Variants in SRBD1 observed in about 807,000 individuals in gnomAD.
SRBD1 encodes S1 RNA-binding domain-containing protein 1.
In SRBD1, 88 loss-of-function variants were observed where a neutral mutation model predicts 115.3. The ratio of observed to expected loss-of-function variants is 0.76; its 90% CI spans 0.64 to 0.91. SRBD1 has a LOEUF of 0.91. Ranked by LOEUF, SRBD1 falls within the 40% of genes least tolerant of loss-of-function variation. The pLI, the probability that SRBD1 is intolerant of heterozygous loss-of-function variation, is 0.00. For missense variants in SRBD1, 1,385 were observed against 1,177.4 expected (o/e 1.18, Z -2.58); for synonymous variants, 509 against 407.7 (o/e 1.25, Z -2.99).
At chr2:45,599,969 G>C (rs1558505527) in intron 3 of SRBD1, 134 bp from the exon 4 acceptor site, 3 of 1,095,896 alleles carry the variant, frequency 2.7e-6, no homozygotes, top group Admixed American at 2.9e-5. Flanking sequence ...AAATTATGTT[G>C]AGTGGGAAAA....
intron 15 of SRBD1, among the ~76,000 whole-genome samples, chr2:45,487,279 T>C (rs988473740): frequency 1.1e-4 from 16 of 152,198 alleles, no homozygotes; most frequent in African/African-American, 3.1e-4. Flanking sequence ...TCACTTATTA[T>C]ACAGAAAAAT....
intron 8 of SRBD1, among the ~76,000 whole-genome samples, chr2:45,573,600 G>A (rs1673087484): frequency 6.6e-6 from 1 of 151,940 alleles, no homozygotes; most frequent in Non-Finnish European, 1.5e-5. Context: ...GAAACCATCT[G>A]CAATTATGCA....
chr2:45,442,771 T>G (rs906317707), intron 16 of SRBD1, among the ~76,000 whole-genome samples: 4 of 152,204 alleles, frequency 2.6e-5, no homozygotes, highest in Non-Finnish European at 5.9e-5. Context: ...AATCAGCAAC[T>G]TATTTCCATT....
chr2:45,393,872 T>G (rs1411812071), intron 19 of SRBD1, among the ~76,000 whole-genome samples: 2 of 152,228 alleles, frequency 1.3e-5, no homozygotes, highest in Non-Finnish European at 2.9e-5. Flanking sequence ...AATGAATTAC[T>G]CTATTCATGT....
rs1572581262 is a variant in SRBD1 at position 45,389,598 on chromosome 2, A to C, written c.2700T>G (p.Asp900Glu). ...TTCTCTTGAAATCAGGTTTATCAAA[A>C]TCTGTAAGAGAAAAAAAGTAAGTGT... ...SQPESFDFRT[D>E]FDKPDFKRSI... The change falls in exon 21 of 21, where the codon GAT (aspartate) becomes GAG (glutamate). Residue 900 changes from aspartate to glutamate, a missense_variant and splice_region_variant. Asp to Glu is a conservative substitution (Grantham distance 45, BLOSUM62 2). Transcript: ENST00000263736. 6.2e-7 allele frequency: 1 copy of C among 1,610,686 alleles called. No homozygotes were observed. The highest frequency in any genetic ancestry group is 8.5e-7 in the Non-Finnish European group (1 of 1,178,582).
At position 45,580,028 on chromosome 2, in the gene SRBD1, C is replaced by T. The variant is rs937166499; in HGVS notation, c.934-15G>A. The T allele has an allele frequency of 1.0e-5, 15 of 1,491,868 alleles. No individual in the cohort carries two copies. The highest frequency in any genetic ancestry group is 1.3e-5 in the Non-Finnish European group (14 of 1,118,106). The allele number at this position is 1,491,868 out of a possible 1,614,324, so 92.4% of individuals were successfully genotyped here. ...TATGGAGCAGACTAGAAAATAAAGA[C>T]AGAAAACATATGATTATGTTTTAAA... On this transcript the variant is annotated splice_polypyrimidine_tract_variant and intron_variant, in intron 6 of 20. Transcript: ENST00000263736.
intron 14 of SRBD1, among the ~76,000 whole-genome samples, chr2:45,491,964 G>C: frequency 7.7e-6 from 1 of 129,594 alleles, no homozygotes; most frequent in East Asian, 1.9e-4. Context: ...TAGGATTATA[G>C]GTGCCCACCA....
intron 1 of SRBD1, among the ~76,000 whole-genome samples, chr2:45,608,948 C>T (rs1352652951): frequency 6.6e-6 from 1 of 151,928 alleles, no homozygotes; most frequent in Non-Finnish European, 1.5e-5. Flanking sequence ...ACTGGGATTA[C>T]AGGCGTGTAC....
At position 45,481,897 on chromosome 2, in the gene SRBD1, G is replaced by A. The variant is rs535042932; in HGVS notation, c.1967-4822C>T. On this transcript the variant is annotated intron_variant, in intron 15 of 20. Coordinates refer to ENST00000263736, the MANE Select transcript of SRBD1 (RefSeq NM_018079.5). ...TTGTATGATTTCATTTATATGAACT[G>A]TCCAGAACAGGAAAATCCATACAGA... Among the ~76,000 whole-genome samples, 14 of 152,226 alleles carry A rather than the reference G, an allele frequency of 9.2e-5. 1 individual carries two copies. In the East Asian group the frequency reaches 2.7e-3, roughly 29 times the overall value.
At chr2:45,474,037 G>A (rs1414111521) in intron 16 of SRBD1, among the ~76,000 whole-genome samples, 5 of 152,086 alleles carry the variant, frequency 3.3e-5, no homozygotes, top group East Asian at 3.8e-4. Context: ...GCTTTTAACC[G>A]TGTCCACTCT....
chr2:45,532,589 C>T (rs1671645587), intron 14 of SRBD1, among the ~76,000 whole-genome samples: 1 of 151,736 alleles, frequency 6.6e-6, no homozygotes, highest in Non-Finnish European at 1.5e-5. Flanking sequence ...TCCCCCATGC[C>T]CTTGAAACCT....
chr2:45,509,775 C>T (rs2103920664), intron 14 of SRBD1, among the ~76,000 whole-genome samples: 1 of 152,280 alleles, frequency 6.6e-6, no homozygotes, highest in Non-Finnish European at 1.5e-5. Flanking sequence ...CACTCTGCTG[C>T]CCAGGCTGGA....
intron 14 of SRBD1, among the ~76,000 whole-genome samples, chr2:45,536,567 C>T (rs1346543702): frequency 6.6e-6 from 1 of 152,060 alleles, no homozygotes; most frequent in Non-Finnish European, 1.5e-5. Flanking sequence ...GTGTTAATAA[C>T]TAAAGTATTT....
chr2:45,594,375 T>C (rs961916094), intron 4 of SRBD1, among the ~76,000 whole-genome samples: 9 of 152,214 alleles, frequency 5.9e-5, no homozygotes, highest in Non-Finnish European at 1.2e-4. Context: ...TCAACTCCCC[T>C]ACACTCACCA....
intron 6 of SRBD1, among the ~76,000 whole-genome samples, chr2:45,580,815 G>C (rs1183668215): frequency 6.7e-6 from 1 of 149,556 alleles, no homozygotes; most frequent in African/African-American, 2.5e-5. Context: ...CACCTGAGTA[G>C]CTGGGATTAC....
At chr2:45,488,626 G>A (rs1481501294) in intron 14 of SRBD1, among the ~76,000 whole-genome samples, 3 of 152,020 alleles carry the variant, frequency 2.0e-5, no homozygotes, top group Admixed American at 1.3e-4. Context: ...TTAATACAAT[G>A]AATACTCTCC....
chr2:45,596,262 C>A (rs1673891144), intron 4 of SRBD1, among the ~76,000 whole-genome samples: 12 of 152,206 alleles, frequency 7.9e-5, no homozygotes, highest in Admixed American at 7.9e-4. Flanking sequence ...ACTTGTCCCT[C>A]CTCATTCTAT....
chr2:45,451,307 T>C (rs1337017377), intron 16 of SRBD1, among the ~76,000 whole-genome samples: 1 of 152,110 alleles, frequency 6.6e-6, no homozygotes, highest in Non-Finnish European at 1.5e-5. Flanking sequence ...GATGATGGTA[T>C]CCCCTAACTT....
chr2:45,510,470 A>G (rs1159863949), intron 14 of SRBD1, among the ~76,000 whole-genome samples: 2 of 152,226 alleles, frequency 1.3e-5, no homozygotes, highest in Non-Finnish European at 2.9e-5. Context: ...CCTCTAAAAT[A>G]CAGAAAAATC....
Sources: gnomAD v4.1 joint callset for allele counts (sites outside exome capture counted in the v4.1 genomes callset) on GRCh38, gnomAD v4.1.1 for gene constraint, MANE v1.5 for transcripts, NCBI Gene and HGNC (gene_info 2026-07-23, HGNC 2026-07-21) for gene names.